EPG5: variants seen among roughly 807,000 people sequenced by gnomAD.
EPG5 encodes the protein ectopic P-granules 5 autophagy tethering factor, also known as ectopic P granules protein 5 homolog.
EPG5 carries 159 observed loss-of-function variants against 302.7 expected under a neutral mutation model. The observed-to-expected ratio is 0.53, with a 90% CI of 0.46 to 0.60. EPG5 has a LOEUF of 0.60. Ranked by LOEUF, EPG5 falls within the 20% of genes least tolerant of loss-of-function variation. The pLI is 0.00. For synonymous variants in EPG5, 1,158 were observed against 1,136.8 expected, an observed-to-expected ratio of 1.02 and a Z score of -0.37; for missense variants, 2,896 against 3,092.4, an observed-to-expected ratio of 0.94 and a Z score of 1.51.
At chr18:45,838,592 G>A in the EPG5 span, 4 of 1,285,194 alleles carry the variant, frequency 3.1e-6, no homozygotes, top group South Asian at 1.6e-5. Context: ...GTATTGGGAC[G>A]GGGGCAGCCT....
At chr18:45,939,862 A>G in intron 9 of EPG5, 107 bp from the exon 10 acceptor site, 1 of 978,752 alleles carries the variant, frequency 1.0e-6, no homozygotes, top group Non-Finnish European at 1.5e-6. Flanking sequence ...TTGAGCACCT[A>G]CTATCCACCT....
chr18:45,877,446 T>C (rs1180893106), intron 34 of EPG5, among the ~76,000 whole-genome samples: 3 of 152,006 alleles, frequency 2.0e-5, no homozygotes, highest in Admixed American at 1.3e-4. Context: ...ATTTTCTGAA[T>C]CTGGTCTAGA....
chr18:45,837,391 G>A, the EPG5 span: 1 of 1,340,044 alleles, frequency 7.5e-7, no homozygotes, highest in Non-Finnish European at 9.7e-7. Flanking sequence ...CGATCCCTGA[G>A]TCCTGGGGTT....
chr18:45,912,071 G>A (rs1222449997), intron 22 of EPG5, among the ~76,000 whole-genome samples: 1 of 152,118 alleles, frequency 6.6e-6, no homozygotes, highest in Non-Finnish European at 1.5e-5. Flanking sequence ...TTACTACACT[G>A]GTCATGGAAG....
the EPG5 span, among the ~76,000 whole-genome samples, chr18:45,821,167 G>C: frequency 6.6e-6 from 1 of 152,196 alleles, no homozygotes; most frequent in Non-Finnish European, 1.5e-5. Context: ...TCTTGTTGAT[G>C]ACTATCAGCT....
chr18:45,840,397 C>T, the EPG5 span, among the ~76,000 whole-genome samples: 1 of 152,108 alleles, frequency 6.6e-6, no homozygotes, highest in Non-Finnish European at 1.5e-5. Flanking sequence ...CACCAAGGCA[C>T]CCCTCTTGCA....
intron 36 of EPG5, 159 bp from the exon 37 acceptor site, chr18:45,867,907 G>C (rs1306461364): frequency 1.4e-6 from 1 of 699,570 alleles, no homozygotes; most frequent in Non-Finnish European, 2.6e-6. Context: ...CTTAATATTT[G>C]TAATATCTTT....
At chr18:45,916,631 C>T (rs1274632282) in intron 17 of EPG5, 49 bp from the exon 18 acceptor site, 1 of 1,508,286 alleles carries the variant, frequency 6.6e-7, no homozygotes, top group East Asian at 2.4e-5. Flanking sequence ...CAGAACTCAA[C>T]AGAATTTTCC....
intron 28 of EPG5, among the ~76,000 whole-genome samples, chr18:45,888,780 G>GA (rs1172371877): frequency 3.3e-5 from 5 of 152,074 alleles, no homozygotes; most frequent in Admixed American, 6.6e-5. Flanking sequence ...TCTCCTAGGG[G>GA]AAAAAAATCA....
intron 23 of EPG5, among the ~76,000 whole-genome samples, chr18:45,909,014 T>C (rs1458957296): frequency 6.6e-6 from 1 of 152,244 alleles, no homozygotes; most frequent in Admixed American, 6.5e-5. Flanking sequence ...TCCTTCATTT[T>C]TATTTTGCTT....
At chr18:45,947,363 A>C (rs2050805134) in intron 6 of EPG5, among the ~76,000 whole-genome samples, 1 of 152,268 alleles carries the variant, frequency 6.6e-6, no homozygotes, top group East Asian at 1.9e-4. Context: ...CAGTGAGCTG[A>C]GATCGTTCCA....
intron 23 of EPG5, 91 bp downstream of exon 23, chr18:45,910,430 T>A (rs988813858): frequency 1.8e-5 from 17 of 926,218 alleles, no homozygotes; most frequent in Middle Eastern, 3.5e-4. Context: ...GTTAAGAGAA[T>A]AACATCTAGC....
intron 1 of EPG5, among the ~76,000 whole-genome samples, chr18:45,957,532 T>C (rs1288986500): frequency 6.6e-6 from 1 of 152,090 alleles, no homozygotes; most frequent in Non-Finnish European, 1.5e-5. Flanking sequence ...AAAGAAAAAT[T>C]AAGAGGGAAA....
At chr18:45,898,246 C>A (rs72918339) in intron 27 of EPG5, among the ~76,000 whole-genome samples, 13,569 of 152,266 alleles carry the variant, frequency 0.089, 644 homozygotes, top group African/African-American at 0.12. Flanking sequence ...TGGAGCCGGA[C>A]TGCCTGGGCC....
chr18:45,908,419 T>C (rs1490872876), intron 23 of EPG5, among the ~76,000 whole-genome samples: 1 of 152,128 alleles, frequency 6.6e-6, no homozygotes, highest in African/African-American at 2.4e-5. Flanking sequence ...AATCTGGAGC[T>C]TTTCTTTCCT....
At chr18:45,818,079 C>T in the EPG5 span, among the ~76,000 whole-genome samples, 1 of 152,172 alleles carries the variant, frequency 6.6e-6, no homozygotes, top group African/African-American at 2.4e-5. Context: ...TTTTTCCATT[C>T]AATATTATCT....
chr18:45,815,645 CACAA>C, the EPG5 span, among the ~76,000 whole-genome samples: 1 of 152,118 alleles, frequency 6.6e-6, no homozygotes, highest in African/African-American at 2.4e-5. Flanking sequence ...CCATAGATGA[CACAA>C]ACAAATGGAA....
In EPG5 at chr18:45,966,307, C is replaced by T. The variant is rs527620794; in HGVS notation, c.63+870G>A. On this transcript the variant is annotated intron_variant, in intron 1 of 43. Coordinates refer to ENST00000282041, the MANE Select transcript of EPG5 (RefSeq NM_020964.3). ...AGGAGAATGGCGTGAACCTGGGAGG[C>T]GGAGCTTGCAGTGAGCCGAGATCGC... 7.5e-5 allele frequency among the ~76,000 whole-genome samples: 11 copies of T among 147,560 alleles called. 1 individual carries two copies. The East Asian group carries it at 2.0e-3, about 27-fold the overall frequency.
At chr18:45,962,505 G>A (rs1213185170) in intron 1 of EPG5, among the ~76,000 whole-genome samples, 1 of 152,132 alleles carries the variant, frequency 6.6e-6, no homozygotes, top group Non-Finnish European at 1.5e-5. Context: ...TCAGAGTTGG[G>A]GGATTTTATA....
Sources: gnomAD v4.1 joint callset for allele counts (sites outside exome capture counted in the v4.1 genomes callset) on GRCh38, gnomAD v4.1.1 for gene constraint, MANE v1.5 for transcripts, NCBI Gene and HGNC (gene_info 2026-07-23, HGNC 2026-07-21) for gene names.